VASN: variants seen among roughly 807,000 people sequenced by gnomAD.
VASN encodes vasorin.
VASN carries 5 observed loss-of-function variants against 4.8 expected under a neutral mutation model. That is an observed-to-expected ratio of 1.03 (90% CI 0.54 to 2.17). The LOEUF (loss-of-function observed/expected upper bound fraction) is 2.17. Ranked by LOEUF, VASN falls within the 30% of genes most tolerant of loss-of-function variation. The pLI is 0.01. For missense variants in VASN, 927 were observed against 948.8 expected, an observed-to-expected ratio of 0.98 and a Z score of 0.30; for synonymous variants, 499 against 460.8, an observed-to-expected ratio of 1.08 and a Z score of -1.06.
intron 1 of VASN, among the ~76,000 whole-genome samples, chr16:4,374,601 C>T (rs1324375981): frequency 2.0e-5 from 3 of 152,124 alleles, no homozygotes; most frequent in African/African-American, 7.2e-5. Context: ...GGGCCCCGAG[C>T]CCGGCTGGGC....
At chr16:4,373,935 C>G (rs2054621660) in intron 1 of VASN, among the ~76,000 whole-genome samples, 1 of 152,168 alleles carries the variant, frequency 6.6e-6, no homozygotes, top group South Asian at 2.1e-4. Context: ...GGCCACCTAA[C>G]TCTGTTAGTG....
At position 4,382,231 on chromosome 16, in the gene VASN, A is replaced by G; in HGVS notation, c.1354A>G (p.Ser452Gly). 1 of 1,606,650 alleles carries G rather than the reference A, an allele frequency of 6.2e-7. No homozygotes were observed. The highest frequency in any genetic ancestry group is 1.3e-5 in the African/African-American group (1 of 74,988). ...CCAGATGGGGCAGGGGACACGGCCC[A>G]GCCCTACACCAGTCACGCCGAGGCC... ...ESQMGQGTRPSPTPVTPRPPR... is the reference protein window; with the variant it reads ...ESQMGQGTRPGPTPVTPRPPR... Residue 452 changes from serine (S) to glycine (G), a missense_variant, in exon 2 of 2, where the codon AGC becomes GGC. Transcript: ENST00000304735.
At chr16:4,377,116 T>A (rs944761766) in intron 1 of VASN, among the ~76,000 whole-genome samples, 5 of 152,050 alleles carry the variant, frequency 3.3e-5, no homozygotes, top group African/African-American at 1.2e-4. Flanking sequence ...CCTATGCCAG[T>A]TACTGTGCCA....
rs528467700 is a variant in VASN at position 4,372,646 on chromosome 16, G to C, written c.-10+653G>C. ...TGGGCTGCAAACCCAGTGGCCTGGA[G>C]CCAGCCTAGTCCTTTGTGTCCCTGG... is the stretch of plus-strand genomic sequence containing the variant. On this transcript the variant is annotated intron_variant, in intron 1 of 1. Coordinates refer to ENST00000304735, the MANE Select transcript of VASN (RefSeq NM_138440.3). 8.2e-4 allele frequency among the ~76,000 whole-genome samples: 125 copies of C among 152,358 alleles called. 1 individual carries two copies. Among genetic ancestry groups the C allele is most frequent in the Admixed American group, 5.6e-3 (85 of 15,304 alleles).
In VASN at chr16:4,382,110, G is replaced by A. The variant is rs372176778; in HGVS notation, c.1233G>A (p.Pro411=). 25 of 1,582,090 alleles carry A rather than the reference G, an allele frequency of 1.6e-5. No homozygotes were observed. The highest frequency in any genetic ancestry group is 1.7e-4 in the Middle Eastern group (1 of 6,020). The change falls in exon 2 of 2, where the codon CCG becomes CCA. Residue 411 remains proline (P), a synonymous_variant. Coordinates refer to ENST00000304735, the MANE Select transcript of VASN (RefSeq NM_138440.3). ...TCCCCCAGCCCCAGGACTGCCCACC[G>A]TCCACCTGCCTCAATGGGGGCACAT... The part of the protein sequence containing the change: ...GPVPQPQDCP[P]STCLNGGTCH...
intron 1 of VASN, among the ~76,000 whole-genome samples, chr16:4,375,799 T>G (rs898995937): frequency 3.3e-5 from 5 of 152,170 alleles, no homozygotes; most frequent in Non-Finnish European, 7.3e-5. Context: ...AATTTCTTGT[T>G]TAATTGGCCT....
chr16:4,376,384 G>T (rs552853665), intron 1 of VASN, among the ~76,000 whole-genome samples: 1 of 152,306 alleles, frequency 6.6e-6, no homozygotes, highest in East Asian at 1.9e-4. Flanking sequence ...GAGCCTTGGC[G>T]GGCCAGCATG....
Position 4,383,018 on chromosome 16 carries a change from C to G in VASN, c.*119C>G. The G allele has an allele frequency of 8.9e-7, 1 of 1,129,836 alleles. No homozygotes were observed. Among genetic ancestry groups the G allele is most frequent in the South Asian group, 1.7e-5 (1 of 58,714 alleles). 70.0% of individuals were successfully genotyped at this position (1,129,836 alleles called of 1,614,324 possible). On this transcript the variant is annotated 3_prime_UTR_variant, in exon 2 of 2. Transcript: ENST00000304735. The stretch of plus-strand genomic sequence containing the variant: ...ACCTCGGGGATGTGTGCAGACAGGG[C>G]TGTGTGACCACAGCTGGGCCCTGTT...
intron 1 of VASN, among the ~76,000 whole-genome samples, chr16:4,378,115 C>G (rs964056393): frequency 1.3e-5 from 2 of 152,212 alleles, no homozygotes; most frequent in African/African-American, 4.8e-5. Flanking sequence ...CCCCTAAGAG[C>G]TGGCCTGCAC....
rs776613306 is a variant in VASN at position 4,382,755 on chromosome 16, A to C, written c.1878A>C (p.Gly626=). 10 of 1,560,358 alleles carry C rather than the reference A, an allele frequency of 6.4e-6. No individual in the cohort carries two copies. The highest frequency in any genetic ancestry group is 8.7e-6 in the Non-Finnish European group (10 of 1,153,212). The change falls in exon 2 of 2, where the codon GGA becomes GGC. Residue 626 remains glycine, a synonymous_variant. Transcript: ENST00000304735. ...GPGAGPLELE[G]VKVPLEPGPK... Reference sequence around the variant, plus strand: ...GGGCTGGGCCCCTGGAACTGGAGGGAGTGAAGGTCCCCTTGGAGCCAGGCC... The same window carrying C: ...GGGCTGGGCCCCTGGAACTGGAGGGCGTGAAGGTCCCCTTGGAGCCAGGCC...
chr16:4,381,367 C>G lies in VASN; in HGVS notation c.490C>G (p.Pro164Ala), dbSNP rs1414339390. The G allele has an allele frequency of 3.1e-6, 5 of 1,593,242 alleles. No homozygotes were observed. In the South Asian group the frequency reaches 5.6e-5, roughly 18 times the overall value. The stretch of plus-strand genomic sequence containing the variant: ...GCAGGACAACGAGCTGCGGGCACTG[C>G]CCCCGCTGCGCCTGCCCCGCCTGCT... ...KLQDNELRALPPLRLPRLLLL... is the reference protein window; with the variant it reads ...KLQDNELRALAPLRLPRLLLL... Residue 164 changes from proline (P) to alanine (A), a missense_variant, in exon 2 of 2, where the codon CCC becomes GCC. Physicochemically the swap from Pro to Ala is conservative, Grantham distance 27. Coordinates refer to ENST00000304735, the MANE Select transcript of VASN (RefSeq NM_138440.3).
chr16:4,381,992 C>T lies in VASN; in HGVS notation c.1115C>T (p.Ser372Phe). The T allele has an allele frequency of 6.2e-7, 1 of 1,606,958 alleles. No homozygotes were observed. The highest frequency in any genetic ancestry group is 1.7e-4 in the Middle Eastern group (1 of 6,048). Residue 372 changes from serine (S) to phenylalanine (F), a missense_variant, in exon 2 of 2, where the codon TCT becomes TTT. Physicochemically the swap from Ser to Phe is radical, Grantham distance 155. Coordinates refer to ENST00000304735, the MANE Select transcript of VASN (RefSeq NM_138440.3). ...GTGGTGCGGGAGCCCACAGCCTTGT[C>T]TTCTAGCTTGGCTCCTACCTGGCTT... ...RPVVREPTAL[S>F]SSLAPTWLSP...
intron 1 of VASN, among the ~76,000 whole-genome samples, chr16:4,376,976 G>A (rs1033369015): frequency 1.3e-5 from 2 of 152,148 alleles, no homozygotes; most frequent in African/African-American, 4.8e-5. Flanking sequence ...AATGTTTACC[G>A]ACCACTTGGC....
At chr16:4,379,182 G>A (rs551417121) in intron 1 of VASN, among the ~76,000 whole-genome samples, 2 of 152,236 alleles carry the variant, frequency 1.3e-5, no homozygotes, top group East Asian at 3.9e-4. Flanking sequence ...TACCTGCACA[G>A]CCTGTGTGGG....
intron 1 of VASN, among the ~76,000 whole-genome samples, chr16:4,377,415 A>C (rs551493185): frequency 1.4e-4 from 21 of 152,140 alleles, no homozygotes; most frequent in Non-Finnish European, 2.9e-4. Flanking sequence ...CCCCACGCAC[A>C]CACCAAGCAC....
chr16:4,373,133 G>A (rs2054593002), intron 1 of VASN, among the ~76,000 whole-genome samples: 1 of 152,178 alleles, frequency 6.6e-6, no homozygotes, highest in African/African-American at 2.4e-5. Context: ...AACAGAGCTG[G>A]GGCAGGCGGG....
intron 1 of VASN, among the ~76,000 whole-genome samples, chr16:4,374,975 G>A (rs1350529133): frequency 2.0e-5 from 3 of 152,050 alleles, no homozygotes; most frequent in Admixed American, 1.3e-4. Flanking sequence ...CCGTGTGAGG[G>A]CCCAGCCCTG....
chr16:4,375,173 G>A (rs894080283), intron 1 of VASN, among the ~76,000 whole-genome samples: 5 of 152,196 alleles, frequency 3.3e-5, no homozygotes, highest in Admixed American at 2.0e-4. Flanking sequence ...TTAGTCACTG[G>A]TCTCCCTGCC....
intron 1 of VASN, among the ~76,000 whole-genome samples, chr16:4,374,086 CGTGTGT>C (rs112578905): frequency 1.3e-5 from 2 of 148,700 alleles, no homozygotes; most frequent in African/African-American, 4.9e-5. Context: ...GGAGGGTGCA[CGTGTGT>C]GTGTGTGTGT....
Sources: gnomAD v4.1 joint callset for allele counts (sites outside exome capture counted in the v4.1 genomes callset) on GRCh38, gnomAD v4.1.1 for gene constraint, MANE v1.5 for transcripts, NCBI Gene and HGNC (gene_info 2026-07-23, HGNC 2026-07-21) for gene names.